The following UNC45B variants were observed in gnomAD, a reference collection of about 807,000 sequenced individuals.
UNC45B encodes protein unc-45 homolog B.
Under a neutral mutation model 98.7 loss-of-function variants are expected in UNC45B, and 78 were observed. The ratio of observed to expected loss-of-function variants is 0.79; its 90% CI spans 0.66 to 0.95. The LOEUF is 0.95. Among genes scored for constraint, UNC45B ranks in the 40% least tolerant of loss-of-function variants. The probability of loss-of-function intolerance (pLI) is 0.00; values close to 1 mark genes in which losing one functional copy is unlikely to be tolerated. For synonymous variants in UNC45B, 462 were observed against 480.4 expected, an observed-to-expected ratio of 0.96 and a Z score of 0.50; for missense variants, 1,225 against 1,184.9, an observed-to-expected ratio of 1.03 and a Z score of -0.50.
intron 1 of UNC45B, 92 bp downstream of exon 1, chr17:35,148,002 T>A: frequency 2.1e-6 from 1 of 483,484 alleles, no homozygotes; most frequent in Non-Finnish European, 3.7e-6. Flanking sequence ...TGGCACAAAC[T>A]AAGCAGCTTC....
rs185047964 is a variant in UNC45B at position 35,186,026 on chromosome 17, G to A, written c.2530-273G>A. 4.6e-5 allele frequency among the ~76,000 whole-genome samples: 7 copies of A among 152,214 alleles called. 1 individual carries two copies. Among genetic ancestry groups the A allele is most frequent in the African/African-American group, 1.4e-4 (6 of 41,534 alleles). On this transcript the variant is annotated intron_variant, in intron 19 of 19. Transcript: ENST00000394570. ...ATGATTTAGAAGCAGAAGGGGAAGT[G>A]TGTGTGTGTGAAAAGGATAAAACAC...
rs528132926 is a variant in UNC45B at position 35,177,811 on chromosome 17, C to T, written c.2255+201C>T. On this transcript the variant is annotated intron_variant, in intron 17 of 19. Transcript: ENST00000394570. ...GCTACAAGGCCCTTCTTTTTCTTTT[C>T]TTTTTTTTCTTTCCTTTTCTTTTCT... 1.1e-4 allele frequency among the ~76,000 whole-genome samples: 16 copies of T among 151,814 alleles called. No homozygotes were observed. In the South Asian group the frequency reaches 3.1e-3, roughly 30 times the overall value.
chr17:35,168,683 A>C (rs1294060858), intron 10 of UNC45B, among the ~76,000 whole-genome samples: 2 of 152,190 alleles, frequency 1.3e-5, no homozygotes, highest in African/African-American at 4.8e-5. Flanking sequence ...CAGTTTCTAT[A>C]AGGTATTTTT....
intron 18 of UNC45B, among the ~76,000 whole-genome samples, chr17:35,181,108 A>T (rs73989555): frequency 9.5e-4 from 144 of 152,362 alleles, no homozygotes; most frequent in Middle Eastern, 3.4e-3. Context: ...AGGATGTCTC[A>T]AATGTCAGCA....
At chr17:35,168,425 C>A in intron 10 of UNC45B, 64 bp downstream of exon 10, 1 of 1,277,006 alleles carries the variant, frequency 7.8e-7, no homozygotes, top group Non-Finnish European at 1.0e-6. Context: ...CCAGGGACAC[C>A]AAAATGAATG....
At chr17:35,168,927 G>A (rs967116376) in intron 10 of UNC45B, among the ~76,000 whole-genome samples, 3 of 151,532 alleles carry the variant, frequency 2.0e-5, no homozygotes, top group Admixed American at 2.0e-4. Flanking sequence ...GGCTGGTCCT[G>A]AACTCCTGAC....
At chr17:35,168,950 AC>A (rs35688036) in intron 10 of UNC45B, among the ~76,000 whole-genome samples, 3 of 150,824 alleles carry the variant, frequency 2.0e-5, no homozygotes, top group Admixed American at 1.3e-4. Flanking sequence ...CAGGTGATCC[AC>A]CCCCCTGGGC....
rs1357199175 is a variant in UNC45B, at chr17:35,186,824, A to G, written c.*265A>G. 1 of 373,230 alleles carries G rather than the reference A, an allele frequency of 2.7e-6. No homozygotes were observed. Among genetic ancestry groups the G allele is most frequent in the African/African-American group, 2.0e-5 (1 of 48,866 alleles). The allele number at this position is 373,230 out of a possible 1,614,324, so 23.1% of individuals were successfully genotyped here. A position where few individuals can be genotyped will look rare whatever the true frequency, so the allele number is the denominator to read the frequency against. On this transcript the variant is annotated 3_prime_UTR_variant, in exon 20 of 20. Transcript: ENST00000394570. ...CCCAGAATAATTTTCACCCATGATTAGAAATAGGTTGGATCATTCTTTCTG... is the reference window on the plus strand; with the variant it reads ...CCCAGAATAATTTTCACCCATGATTGGAAATAGGTTGGATCATTCTTTCTG...
At chr17:35,154,377 T>G (rs1440795392) in intron 5 of UNC45B, among the ~76,000 whole-genome samples, 197 bp from the exon 6 acceptor site, 1 of 152,208 alleles carries the variant, frequency 6.6e-6, no homozygotes, top group Non-Finnish European at 1.5e-5. Flanking sequence ...CAGCTGGTCT[T>G]GATGCAAATT....
At chr17:35,185,074 G>A (rs919954645) in intron 19 of UNC45B, among the ~76,000 whole-genome samples, 3 of 152,162 alleles carry the variant, frequency 2.0e-5, no homozygotes, top group East Asian at 3.9e-4. Flanking sequence ...GCATAGAACC[G>A]TGCCACAGCT....
rs985427375 is a variant in UNC45B at position 35,179,139 on chromosome 17, C to T, written c.2256-1420C>T. ...GAATGGCATTGAATCCATAAACTAT[C>T]TTGGGCAGTATGGCCATTTTCATGA... On this transcript the variant is annotated intron_variant, in intron 17 of 19. Transcript: ENST00000394570. Among the ~76,000 whole-genome samples, 12 of 152,232 alleles carry T rather than the reference C, an allele frequency of 7.9e-5. No homozygotes were observed. The East Asian group carries it at 2.3e-3, about 29-fold the overall frequency.
intron 13 of UNC45B, 54 bp from the exon 14 acceptor site, chr17:35,174,188 C>G: frequency 1.2e-6 from 2 of 1,611,254 alleles, no homozygotes; most frequent in Non-Finnish European, 1.7e-6. Flanking sequence ...GTTCCAATAC[C>G]GATTGGCCTG....
At chr17:35,157,740 A>G (rs943448289) in intron 7 of UNC45B, among the ~76,000 whole-genome samples, 1 of 152,234 alleles carries the variant, frequency 6.6e-6, no homozygotes, top group African/African-American at 2.4e-5. Context: ...TTATCGTGTT[A>G]GATTCAAACT....
intron 5 of UNC45B, 46 bp from the exon 6 acceptor site, chr17:35,154,528 G>A (rs776356542): frequency 6.3e-7 from 1 of 1,591,420 alleles, no homozygotes; most frequent in Non-Finnish European, 8.5e-7. Context: ...CCAGGCCTGG[G>A]TGGCCGTACC....
intron 9 of UNC45B, chr17:35,167,158 G>C (rs1037582747): frequency 6.6e-6 from 1 of 152,384 alleles, no homozygotes; most frequent in African/African-American, 2.4e-5. Flanking sequence ...ACAGTGTGCC[G>C]GGCATCACGC....
rs558504386 is a variant in UNC45B at position 35,159,357 on chromosome 17, C to T, written c.809-18C>T. 49 of 1,606,750 alleles carry T rather than the reference C, an allele frequency of 3.0e-5. No homozygotes were observed. The South Asian group carries it at 3.1e-4, about 10-fold the overall frequency. On this transcript the variant is annotated intron_variant, in intron 7 of 19. Transcript: ENST00000394570. ...ATTTCCTACCCCTCTCTACTTACCC[C>T]GTCCTCTTTTTCTTCAGACACCAAG... is the stretch of plus-strand genomic sequence containing the variant.
At chr17:35,149,799 G>A (rs1399985011) in intron 3 of UNC45B, among the ~76,000 whole-genome samples, 1 of 152,240 alleles carries the variant, frequency 6.6e-6, no homozygotes, top group Non-Finnish European at 1.5e-5. Context: ...CAGGGATCCT[G>A]TAGCAGAGAC....
At chr17:35,182,314 C>T (rs2092279072) in intron 18 of UNC45B, among the ~76,000 whole-genome samples, 2 of 152,050 alleles carry the variant, frequency 1.3e-5, no homozygotes, top group Admixed American at 6.5e-5. Flanking sequence ...TGGTCTTGAT[C>T]TCCTGACCTC....
In UNC45B at chr17:35,177,479, G is replaced by T; in HGVS notation, c.2140-16G>T. On this transcript the variant is annotated splice_polypyrimidine_tract_variant and intron_variant, in intron 16 of 19. Coordinates refer to ENST00000394570, the MANE Select transcript of UNC45B (RefSeq NM_001267052.2). ...AAAGTCCTCACCTGACCAAACCCTT[G>T]ACCCCTCCCCAACAGGTGTATGAGG... 1 of 1,548,420 alleles carries T rather than the reference G, an allele frequency of 6.5e-7. No individual in the cohort carries two copies. Among genetic ancestry groups the T allele is most frequent in the South Asian group, 1.2e-5 (1 of 84,010 alleles).
Sources: gnomAD v4.1 joint callset for allele counts (sites outside exome capture counted in the v4.1 genomes callset) on GRCh38, gnomAD v4.1.1 for gene constraint, MANE v1.5 for transcripts, NCBI Gene and HGNC (gene_info 2026-07-23, HGNC 2026-07-21) for gene names.